The following APBA2 variants were observed in gnomAD, a reference collection of about 807,000 sequenced individuals.
The protein encoded by APBA2 is amyloid-beta A4 precursor protein-binding family A member 2.
A neutral mutation model predicts 75.0 loss-of-function variants in APBA2; 30 were observed. That is an observed-to-expected ratio of 0.40 (90% confidence interval 0.30 to 0.54). The LOEUF (loss-of-function observed/expected upper bound fraction) is 0.54, where lower values mean the gene tolerates loss of function less well. APBA2 is among the 20% of genes least tolerant of loss of function. The pLI is 0.49. For missense variants in APBA2, 801 were observed against 1,016.1 expected, an observed-to-expected ratio of 0.79 and a Z score of 2.88; for synonymous variants, 444 against 409.6, an observed-to-expected ratio of 1.08 and a Z score of -1.01.
chr15:28,921,029 C>A (rs1187346580), intron 1 of APBA2, among the ~76,000 whole-genome samples: 3 of 152,136 alleles, frequency 2.0e-5, no homozygotes, highest in Admixed American at 6.5e-5. Context: ...AATCTGATGG[C>A]TTCTCTGGGC....
At position 29,105,508 on chromosome 15, in the gene APBA2, A is replaced by G. The variant is rs1228867047; in HGVS notation, c.1654A>G (p.Met552Val). ...EYSDIINTQEMYNDDLIHFSN... is the reference protein window; with the variant it reads ...EYSDIINTQEVYNDDLIHFSN... The stretch of plus-strand genomic sequence containing the variant: ...CAGCGACATCATCAACACCCAGGAG[A>G]TGTACAACGACGACCTCATCCACTT... The change falls in exon 11 of 15, where the codon ATG (methionine) becomes GTG (valine). Residue 552 changes from methionine to valine, a missense_variant. Physicochemically the swap from Met to Val is conservative, Grantham distance 21 (BLOSUM62 1). Transcript: ENST00000683413. 1 of 1,613,774 alleles carries G rather than the reference A, an allele frequency of 6.2e-7. No individual in the cohort carries two copies. The highest frequency in any genetic ancestry group is 1.3e-5 in the African/African-American group (1 of 74,930).
intron 13 of APBA2, 141 bp from the exon 14 acceptor site, chr15:29,113,735 T>G: frequency 9.6e-7 from 1 of 1,040,572 alleles, no homozygotes; most frequent in Non-Finnish European, 1.4e-6. Context: ...TAAGGATCTC[T>G]GTCTGTGAGT....
intron 3 of APBA2, among the ~76,000 whole-genome samples, chr15:29,015,029 TA>T (rs2039589535): frequency 6.6e-6 from 1 of 152,194 alleles, no homozygotes. Flanking sequence ...TTTTGGTTTC[TA>T]ATGAGGTTGT....
intron 13 of APBA2, among the ~76,000 whole-genome samples, chr15:29,110,257 C>T (rs1002930290): frequency 6.6e-6 from 1 of 152,192 alleles, no homozygotes; most frequent in Non-Finnish European, 1.5e-5. Context: ...GACTGACAGC[C>T]CTGCAGCCCT....
chr15:29,007,290 A>G (rs1323694791), intron 3 of APBA2, among the ~76,000 whole-genome samples: 1 of 152,232 alleles, frequency 6.6e-6, no homozygotes, highest in African/African-American at 2.4e-5. Context: ...AACTCAGAAG[A>G]AAACAGGTGC....
intron 2 of APBA2, among the ~76,000 whole-genome samples, chr15:28,951,881 C>CT (rs71414600): frequency 0.077 from 8,478 of 109,778 alleles, 1,327 homozygotes; most frequent in East Asian, 0.29. Flanking sequence ...TGCACTCAGC[C>CT]TTTTTTTTTT....
intron 3 of APBA2, among the ~76,000 whole-genome samples, chr15:29,007,860 C>T (rs1187535588): frequency 6.6e-6 from 1 of 152,038 alleles, no homozygotes; most frequent in Non-Finnish European, 1.5e-5. Context: ...GGAATCTAGG[C>T]GTGGTTTCAC....
At chr15:29,088,436 G>T (rs2043394272) in intron 6 of APBA2, among the ~76,000 whole-genome samples, 1 of 152,154 alleles carries the variant, frequency 6.6e-6, no homozygotes, top group Non-Finnish European at 1.5e-5. Context: ...CCCAAGCTCA[G>T]TCCTCTTCCA....
chr15:29,004,638 C>T (rs935061650), intron 3 of APBA2, among the ~76,000 whole-genome samples: 8 of 152,056 alleles, frequency 5.3e-5, no homozygotes, highest in Non-Finnish European at 8.8e-5. Flanking sequence ...CACGGCTGCT[C>T]GAACTCCAGT....
At chr15:28,950,397 G>A (rs1194622301) in intron 2 of APBA2, among the ~76,000 whole-genome samples, 1 of 152,094 alleles carries the variant, frequency 6.6e-6, no homozygotes, top group East Asian at 1.9e-4. Flanking sequence ...GGGAGGCCGA[G>A]TGGGTGGATC....
intron 3 of APBA2, among the ~76,000 whole-genome samples, chr15:29,053,157 T>TC: frequency 6.6e-6 from 1 of 152,288 alleles, no homozygotes; most frequent in East Asian, 1.9e-4. Context: ...CACCCCACGA[T>TC]ACCTGCAGGC....
chr15:28,961,648 C>G (rs891407991), intron 2 of APBA2: 1 of 152,230 alleles, frequency 6.6e-6, no homozygotes, highest in East Asian at 1.9e-4. Flanking sequence ...AGCGGCCGGG[C>G]GGGTGACTGA....
chr15:29,086,192 G>A (rs1024103004), intron 6 of APBA2, among the ~76,000 whole-genome samples: 2 of 152,198 alleles, frequency 1.3e-5, no homozygotes, highest in Admixed American at 6.5e-5. Flanking sequence ...CAGGACTGAT[G>A]TTTCTGGCCA....
At chr15:28,967,352 C>T (rs1242621542) in intron 2 of APBA2, among the ~76,000 whole-genome samples, 3 of 152,178 alleles carry the variant, frequency 2.0e-5, no homozygotes, top group Admixed American at 6.5e-5. Context: ...GAAAAGCAGT[C>T]TATATCATCT....
At chr15:29,000,046 G>A (rs2038760738) in intron 3 of APBA2, among the ~76,000 whole-genome samples, 1 of 152,162 alleles carries the variant, frequency 6.6e-6, no homozygotes, top group South Asian at 2.1e-4. Flanking sequence ...CCTCACTGGA[G>A]TGGACGATGC....
intron 6 of APBA2, among the ~76,000 whole-genome samples, chr15:29,081,093 C>T (rs577873231): frequency 3.5e-4 from 54 of 152,342 alleles, no homozygotes; most frequent in African/African-American, 1.3e-3. Context: ...ATCACCCCTT[C>T]CTTCTCTCAG....
chr15:29,074,212 T>G (rs1237644448), intron 4 of APBA2, among the ~76,000 whole-genome samples: 1 of 152,200 alleles, frequency 6.6e-6, no homozygotes, highest in Non-Finnish European at 1.5e-5. Flanking sequence ...GCAGCACCAT[T>G]CACAATAGCT....
intron 2 of APBA2, among the ~76,000 whole-genome samples, chr15:28,969,698 C>T (rs1050515617): frequency 6.6e-6 from 1 of 152,154 alleles, no homozygotes; most frequent in Non-Finnish European, 1.5e-5. Context: ...GGGAGGTTTG[C>T]TGCCCGAGGG....
chr15:28,985,371 C>A (rs2152773993), intron 2 of APBA2, among the ~76,000 whole-genome samples: 2 of 152,282 alleles, frequency 1.3e-5, no homozygotes, highest in Middle Eastern at 6.8e-3. Context: ...TGAGAACAAA[C>A]AACATCGGGT....
Sources: gnomAD v4.1 joint callset for allele counts (sites outside exome capture counted in the v4.1 genomes callset) on GRCh38, gnomAD v4.1.1 for gene constraint, MANE v1.5 for transcripts, NCBI Gene and HGNC (gene_info 2026-07-23, HGNC 2026-07-21) for gene names.